IGSF5: variants seen among roughly 807,000 people sequenced by gnomAD.
The protein encoded by IGSF5 is immunoglobulin superfamily 5 like.
In IGSF5, 41 loss-of-function variants were observed where a neutral mutation model predicts 39.4. That is an observed-to-expected ratio of 1.04 (90% CI 0.81 to 1.35). The LOEUF (loss-of-function observed/expected upper bound fraction) is 1.35. Ranked by LOEUF, IGSF5 falls within the 40% of genes most tolerant of loss-of-function variation. The probability of loss-of-function intolerance (pLI) is 0.00; values close to 1 mark genes in which losing one functional copy is unlikely to be tolerated. For synonymous variants in IGSF5, 183 were observed against 175.3 expected, an observed-to-expected ratio of 1.04 and a Z score of -0.34; for missense variants, 487 against 494.6, an observed-to-expected ratio of 0.98 and a Z score of 0.15.
At chr21:39,801,196 T>A (rs1164958601) in intron 8 of IGSF5, 66 bp from the exon 9 acceptor site, 2 of 1,166,978 alleles carry the variant, frequency 1.7e-6, no homozygotes, top group African/African-American at 3.0e-5. Context: ...GAAGCTCTCT[T>A]TTCAAGTTTG....
the IGSF5 span, among the ~76,000 whole-genome samples, chr21:39,720,147 G>A: frequency 6.6e-6 from 1 of 152,128 alleles, no homozygotes; most frequent in Non-Finnish European, 1.5e-5. Context: ...GGATAAAACT[G>A]TTCCACCTCA....
the IGSF5 span, among the ~76,000 whole-genome samples, chr21:39,728,429 A>G: frequency 2.6e-5 from 4 of 152,218 alleles, no homozygotes; most frequent in Non-Finnish European, 5.9e-5. Context: ...TACCTGAGCC[A>G]GGAAGAGGCC....
At chr21:39,748,299 A>ATTTTTT (rs1569246431) in intron 2 of IGSF5, among the ~76,000 whole-genome samples, 1 of 43,744 alleles carries the variant, frequency 2.3e-5, no homozygotes, top group Admixed American at 3.8e-4. Flanking sequence ...AGAAAACAAG[A>ATTTTTT]TCTTTTTTTT....
chr21:39,726,860 G>A, the IGSF5 span, among the ~76,000 whole-genome samples: 2 of 151,946 alleles, frequency 1.3e-5, no homozygotes, highest in African/African-American at 4.8e-5. Flanking sequence ...CATCAAAGAG[G>A]TGTGCCATGA....
At chr21:39,734,353 G>A in the IGSF5 span, among the ~76,000 whole-genome samples, 2 of 148,262 alleles carry the variant, frequency 1.3e-5, no homozygotes, top group African/African-American at 4.9e-5. Flanking sequence ...AACCCGGGAG[G>A]CGGAGGTTGT....
intron 8 of IGSF5, among the ~76,000 whole-genome samples, chr21:39,797,726 G>T (rs899201672): frequency 1.3e-5 from 2 of 151,882 alleles, no homozygotes; most frequent in East Asian, 3.9e-4. Flanking sequence ...CTCACTATTT[G>T]CCCAGGCTGT....
At chr21:39,713,976 C>T in the IGSF5 span, among the ~76,000 whole-genome samples, 1 of 152,234 alleles carries the variant, frequency 6.6e-6, no homozygotes, top group Non-Finnish European at 1.5e-5. Context: ...GGAATGTCCA[C>T]AAGGTCCCGG....
chr21:39,736,191 C>T, the IGSF5 span, among the ~76,000 whole-genome samples: 16 of 152,118 alleles, frequency 1.1e-4, no homozygotes. Context: ...CCTCATCCTA[C>T]CCACTTAATG....
chr21:39,786,377 T>C (rs1276279323), intron 5 of IGSF5, among the ~76,000 whole-genome samples: 1 of 145,872 alleles, frequency 6.9e-6, no homozygotes, highest in Non-Finnish European at 1.5e-5. Context: ...TCACTGGCCA[T>C]CAGAGAAATG....
intron 5 of IGSF5, among the ~76,000 whole-genome samples, chr21:39,780,743 T>C (rs538273565): frequency 6.6e-6 from 1 of 152,318 alleles, no homozygotes; most frequent in South Asian, 2.1e-4. Flanking sequence ...GGTGGGCACA[T>C]AAACACTAGG....
chr21:39,758,394 C>T (rs908151708), intron 2 of IGSF5, among the ~76,000 whole-genome samples: 1 of 152,332 alleles, frequency 6.6e-6, no homozygotes, highest in Admixed American at 6.5e-5. Context: ...GCATTAGGTT[C>T]CTTCCCACAA....
chr21:39,743,969 G>A (rs1404871708), upstream of IGSF5, among the ~76,000 whole-genome samples: 6 of 151,842 alleles, frequency 4.0e-5, no homozygotes, highest in South Asian at 2.1e-4. Flanking sequence ...TGGGGGGAAC[G>A]TTTCCCATCT....
the IGSF5 span, among the ~76,000 whole-genome samples, chr21:39,736,630 G>C: frequency 6.6e-6 from 1 of 152,214 alleles, no homozygotes; most frequent in African/African-American, 2.4e-5. Context: ...TGGCCTCTCT[G>C]TAACTGGTCA....
chr21:39,779,833 G>A (rs2080160742), intron 5 of IGSF5, among the ~76,000 whole-genome samples: 1 of 152,150 alleles, frequency 6.6e-6, no homozygotes, highest in South Asian at 2.1e-4. Context: ...CTCTATTATA[G>A]GTGGAATCTA....
At chr21:39,732,677 G>A in the IGSF5 span, among the ~76,000 whole-genome samples, 113 of 152,302 alleles carry the variant, frequency 7.4e-4, no homozygotes, top group African/African-American at 2.5e-3. Context: ...TAATTTTAAA[G>A]TGAGAAATGT....
rs772914698 is a variant in IGSF5, at chr21:39,765,796, T to A, written c.362T>A (p.Ile121Asn). Residue 121 changes from isoleucine (I) to asparagine (N), a missense_variant, in exon 3 of 9, where the codon ATC becomes AAC. Coordinates refer to ENST00000380588, the MANE Select transcript of IGSF5 (RefSeq NM_001080444.2). ...GTGGAGCCCAGTGATTCGGGGAACA[T>A]CAGATGCAGCCTCCAGAACAGTCGC... ...HNVEPSDSGN[I>N]RCSLQNSRLH... The A allele has an allele frequency of 6.2e-7, 1 of 1,614,038 alleles. No homozygotes were observed. The highest frequency in any genetic ancestry group is 1.7e-5 in the Admixed American group (1 of 60,016).
the IGSF5 span, among the ~76,000 whole-genome samples, chr21:39,733,880 G>A: frequency 2.6e-5 from 4 of 152,086 alleles, no homozygotes; most frequent in African/African-American, 9.7e-5. Context: ...TGCCTTCCGT[G>A]AGTGCCTCTG....
upstream of IGSF5, among the ~76,000 whole-genome samples, chr21:39,742,894 A>T (rs1279036772): frequency 6.6e-6 from 1 of 152,064 alleles, no homozygotes; most frequent in Non-Finnish European, 1.5e-5. Context: ...CCTAAGACAG[A>T]CTTTTGAAGT....
intron 2 of IGSF5, among the ~76,000 whole-genome samples, chr21:39,749,711 T>C (rs577329459): frequency 1.3e-5 from 2 of 152,302 alleles, no homozygotes; most frequent in Admixed American, 1.3e-4. Flanking sequence ...CAATTCCAAG[T>C]GGGGGCTTCC....
Sources: gnomAD v4.1 joint callset for allele counts (sites outside exome capture counted in the v4.1 genomes callset) on GRCh38, gnomAD v4.1.1 for gene constraint, MANE v1.5 for transcripts, NCBI Gene and HGNC (gene_info 2026-07-23, HGNC 2026-07-21) for gene names.